PCNX2: variants seen among roughly 807,000 people sequenced by gnomAD.
PCNX2 encodes pecanex 2.
In PCNX2, 168 loss-of-function variants were observed where a neutral mutation model predicts 223.8. The ratio of observed to expected loss-of-function variants is 0.75; its 90% confidence interval spans 0.66 to 0.85. The LOEUF is 0.85. Among genes scored for constraint, PCNX2 ranks in the 40% least tolerant of loss-of-function variants. The pLI is 0.00. For synonymous variants in PCNX2, 1,006 were observed against 1,052.6 expected, an observed-to-expected ratio of 0.96 and a Z score of 0.86; for missense variants, 2,507 against 2,675.5, an observed-to-expected ratio of 0.94 and a Z score of 1.39.
At chr1:233,244,923 G>A (rs1292357431) in intron 8 of PCNX2, among the ~76,000 whole-genome samples, 6 of 152,128 alleles carry the variant, frequency 3.9e-5, no homozygotes, top group Non-Finnish European at 5.9e-5. Context: ...CCCTCCAACC[G>A]TCCCACCAAA....
At chr1:233,178,248 T>C (rs577035147) in intron 16 of PCNX2, among the ~76,000 whole-genome samples, 1 of 152,312 alleles carries the variant, frequency 6.6e-6, no homozygotes, top group South Asian at 2.1e-4. Flanking sequence ...CACTAAAAAT[T>C]GTGTGAACCA....
chr1:233,112,713 ACAATATAACT>A, intron 21 of PCNX2: 1 of 560,244 alleles, frequency 1.8e-6, no homozygotes, highest in Non-Finnish European at 2.2e-6. Flanking sequence ...AGATCTTTGA[ACAATATAACT>A]AAATTCACAT....
intron 23 of PCNX2, among the ~76,000 whole-genome samples, chr1:233,079,248 G>A (rs1262518386): frequency 6.6e-6 from 1 of 152,128 alleles, no homozygotes; most frequent in Non-Finnish European, 1.5e-5. Context: ...AAGGTGGCCG[G>A]GTGTGGTGGC....
At chr1:233,316,621 A>C in the PCNX2 span, among the ~76,000 whole-genome samples, 2 of 152,222 alleles carry the variant, frequency 1.3e-5, no homozygotes, top group Non-Finnish European at 2.9e-5. Context: ...CTGGGCCTTC[A>C]GATAATGTGA....
chr1:233,057,852 T>C (rs1672249178), intron 23 of PCNX2: 1 of 658,972 alleles, frequency 1.5e-6, no homozygotes, highest in Non-Finnish European at 1.8e-6. Flanking sequence ...AGAGCAAGAC[T>C]CAAAAAAAAA....
intron 8 of PCNX2, among the ~76,000 whole-genome samples, chr1:233,246,143 C>T (rs928476689): frequency 1.3e-5 from 2 of 150,906 alleles, no homozygotes; most frequent in African/African-American, 4.9e-5. Context: ...GATGAATGCC[C>T]TTCAGATGGG....
At chr1:233,073,218 G>T (rs1672934555) in intron 23 of PCNX2, among the ~76,000 whole-genome samples, 1 of 152,094 alleles carries the variant, frequency 6.6e-6, no homozygotes. Context: ...TTTTAATTAT[G>T]TAAGGCTAGT....
At chr1:233,085,674 T>C (rs892965463) in intron 23 of PCNX2, among the ~76,000 whole-genome samples, 1 of 152,146 alleles carries the variant, frequency 6.6e-6, no homozygotes, top group African/African-American at 2.4e-5. Context: ...GAAAAATCAA[T>C]GTAACTTTTA....
chr1:233,257,946 A>G, intron 5 of PCNX2, 82 bp downstream of exon 5: 2 of 1,482,626 alleles, frequency 1.3e-6, no homozygotes, highest in Non-Finnish European at 1.8e-6. Flanking sequence ...CTATTTGCAA[A>G]ATCAAATTAC....
chr1:233,208,666 A>G lies in PCNX2; in HGVS notation c.2715T>C (p.Tyr905=). 3 of 1,613,818 alleles carry G rather than the reference A, an allele frequency of 1.9e-6. No homozygotes were observed. Among genetic ancestry groups the G allele is most frequent in the South Asian group, 1.1e-5 (1 of 91,064 alleles). Residue 905 remains tyrosine (Y), a synonymous_variant, in exon 13 of 34, where the codon TAT becomes TAC. Coordinates refer to ENST00000258229, the MANE Select transcript of PCNX2 (RefSeq NM_014801.4). ...GCACACAAAAATAGATTGGTCTGCT[A>G]TATGTTATGATTTGGTTGTGTCCCT... ...PIHGHNQIIT[Y]SRPIYFCVLC...
In PCNX2 at chr1:233,254,634, A is replaced by G. The variant is rs944585840; in HGVS notation, c.1835-1846T>C. 3.3e-5 allele frequency among the ~76,000 whole-genome samples: 5 copies of G among 152,012 alleles called. No homozygotes were observed. In the East Asian group the frequency reaches 9.6e-4, roughly 29 times the overall value. On this transcript the variant is annotated intron_variant, in intron 5 of 33. Transcript: ENST00000258229. ...ACTTTGAATCACTCTTAATCCTGCCATCATGATATTACCACTGGAGCCAAT... is the reference window on the plus strand; with the variant it reads ...ACTTTGAATCACTCTTAATCCTGCCGTCATGATATTACCACTGGAGCCAAT...
At chr1:233,161,676 T>G (rs748944464) in intron 17 of PCNX2, among the ~76,000 whole-genome samples, 3 of 152,124 alleles carry the variant, frequency 2.0e-5, no homozygotes, top group African/African-American at 7.2e-5. Context: ...GAGGTTCTTG[T>G]AAGGTTCTTG....
intron 28 of PCNX2, among the ~76,000 whole-genome samples, chr1:233,003,086 T>C (rs1205678812): frequency 1.3e-5 from 2 of 152,176 alleles, no homozygotes; most frequent in African/African-American, 2.4e-5. Context: ...ATTCAGGACA[T>C]AGGCATGGGC....
intron 10 of PCNX2, among the ~76,000 whole-genome samples, chr1:233,222,258 C>T (rs1408032345): frequency 6.6e-6 from 1 of 152,102 alleles, no homozygotes; most frequent in African/African-American, 2.4e-5. Flanking sequence ...GAGATCAGGC[C>T]AGAAAACAAA....
chr1:233,040,013 G>A (rs1050284760), intron 25 of PCNX2, among the ~76,000 whole-genome samples: 1 of 152,158 alleles, frequency 6.6e-6, no homozygotes, highest in Non-Finnish European at 1.5e-5. Context: ...GCCGTATCAC[G>A]TATCACAAGG....
At chr1:233,160,666 C>A (rs142203097) in intron 18 of PCNX2, among the ~76,000 whole-genome samples, 1 of 152,056 alleles carries the variant, frequency 6.6e-6, no homozygotes, top group African/African-American at 2.4e-5. Context: ...CAGAGGCCAA[C>A]AGAATTATGC....
chr1:233,182,383 C>A (rs1679852286), intron 15 of PCNX2, among the ~76,000 whole-genome samples: 1 of 152,130 alleles, frequency 6.6e-6, no homozygotes, highest in South Asian at 2.1e-4. Context: ...ACTGTCTTGT[C>A]CCAGGACTAC....
chr1:233,128,243 T>C (rs773622674), intron 21 of PCNX2, among the ~76,000 whole-genome samples: 3 of 152,246 alleles, frequency 2.0e-5, no homozygotes, highest in Non-Finnish European at 4.4e-5. Flanking sequence ...GCTGGCAGAA[T>C]GATCCTATGG....
upstream of PCNX2, among the ~76,000 whole-genome samples, chr1:233,297,995 A>G (rs1246811225): frequency 3.3e-5 from 5 of 152,188 alleles, no homozygotes; most frequent in Non-Finnish European, 7.3e-5. Flanking sequence ...ATATAGGAAG[A>G]TTAGCAGTGA....
Sources: gnomAD v4.1 joint callset for allele counts (sites outside exome capture counted in the v4.1 genomes callset) on GRCh38, gnomAD v4.1.1 for gene constraint, MANE v1.5 for transcripts, NCBI Gene and HGNC (gene_info 2026-07-23, HGNC 2026-07-21) for gene names.